KCNQ4: variants seen among roughly 807,000 people sequenced by gnomAD.
KCNQ4 encodes the protein potassium voltage-gated channel subfamily KQT member 4.
A neutral mutation model predicts 72.6 loss-of-function variants in KCNQ4; 31 were observed. The ratio of observed to expected loss-of-function variants is 0.43; its 90% CI spans 0.32 to 0.58. The LOEUF (loss-of-function observed/expected upper bound fraction) is 0.58, where lower values mean the gene tolerates loss of function less well. KCNQ4 is among the 20% of genes least tolerant of loss of function. The pLI is 0.08. For missense variants in KCNQ4, 869 were observed against 962.6 expected, an observed-to-expected ratio of 0.90 and a Z score of 1.29; for synonymous variants, 405 against 403.7, an observed-to-expected ratio of 1.00 and a Z score of -0.04.
At chr1:40,835,685 G>T (rs2148333103) in intron 12 of KCNQ4, among the ~76,000 whole-genome samples, 2 of 152,356 alleles carry the variant, frequency 1.3e-5, no homozygotes, top group Middle Eastern at 6.8e-3. Context: ...CACACTTATG[G>T]AGCTTTCATT....
At position 40,831,095 on chromosome 1, in the gene KCNQ4, G is replaced by A. The variant is rs1284818966; in HGVS notation, c.1304G>A (p.Gly435Asp). ...GCCTGCCCTGCCAGCAGCCGGATGG[G>A]CATCAAAGACCGCATCCGCATGGGC... Reference protein sequence around the residue: ...SFCPGESSRMGIKDRIRMGSS... With the variant: ...SFCPGESSRMDIKDRIRMGSS... Residue 435 changes from glycine to aspartate, a missense_variant, in exon 10 of 14, where the codon GGC (glycine) becomes GAC (aspartate). By Grantham distance (94) the Gly-to-Asp change is moderately conservative (BLOSUM62 -1). Coordinates refer to ENST00000347132, the MANE Select transcript of KCNQ4 (RefSeq NM_004700.4). 5.6e-6 allele frequency: 9 copies of A among 1,593,968 alleles called. No homozygotes were observed. In the South Asian group the frequency reaches 9.1e-5, roughly 16 times the overall value.
At chr1:40,787,109 C>T (rs893700388) in intron 1 of KCNQ4, among the ~76,000 whole-genome samples, 5 of 152,220 alleles carry the variant, frequency 3.3e-5, no homozygotes, top group South Asian at 4.1e-4. Context: ...GGGCTCTGGG[C>T]GGGGCGCAGT....
chr1:40,831,347 G>A, intron 10 of KCNQ4, 43 bp downstream of exon 10: 2 of 1,516,120 alleles, frequency 1.3e-6, no homozygotes, highest in Admixed American at 2.0e-5. Context: ...GCCGGCTGAG[G>A]GTGGCAGGGC....
chr1:40,796,935 TAAATA>T (rs1396323744), intron 1 of KCNQ4, among the ~76,000 whole-genome samples: 1 of 151,502 alleles, frequency 6.6e-6, no homozygotes, highest in Non-Finnish European at 1.5e-5. Context: ...AATAAATAAA[TAAATA>T]AATAAATAAA....
intron 1 of KCNQ4, among the ~76,000 whole-genome samples, chr1:40,801,981 C>T (rs1250051314): frequency 6.6e-6 from 1 of 152,128 alleles, no homozygotes. Context: ...CTCCAGTATT[C>T]TCCCTTGGTG....
chr1:40,833,144 C>T (rs756579933), intron 11 of KCNQ4, 31 bp downstream of exon 11: 23 of 1,516,832 alleles, frequency 1.5e-5, no homozygotes, highest in Non-Finnish European at 2.0e-5. Context: ...GAGCACCCCC[C>T]TCCGTGTGCC....
intron 9 of KCNQ4, among the ~76,000 whole-genome samples, chr1:40,824,750 C>T (rs926872379): frequency 2.0e-5 from 3 of 152,162 alleles, no homozygotes; most frequent in African/African-American, 4.8e-5. Context: ...CTCTTGGGAA[C>T]GAGATGCCAG....
intron 1 of KCNQ4, among the ~76,000 whole-genome samples, chr1:40,789,536 T>C (rs1647241034): frequency 6.6e-6 from 1 of 152,136 alleles, no homozygotes; most frequent in Admixed American, 6.5e-5. Flanking sequence ...TATACTGCCT[T>C]CCTCCTCCTC....
rs78777859 is a variant in KCNQ4, at chr1:40,821,062, C to T, written c.1041+802C>T. ...TCTCTCCTCCCCAGGGTAGAACCCT[C>T]CTCCCTGTCGCTGTTATCTCCAGCC... On this transcript the variant is annotated intron_variant, in intron 7 of 13. Coordinates refer to ENST00000347132, the MANE Select transcript of KCNQ4 (RefSeq NM_004700.4). Among the ~76,000 whole-genome samples the T allele has an allele frequency of 1.6e-3, 243 of 152,328 alleles. 10 individuals are homozygous for T. In the East Asian group the frequency reaches 0.04, roughly 25 times the overall value.
chr1:40,807,849 C>G (rs1200294201), intron 1 of KCNQ4, among the ~76,000 whole-genome samples: 1 of 152,196 alleles, frequency 6.6e-6, no homozygotes, highest in East Asian at 1.9e-4. Flanking sequence ...GGGCCCTGGT[C>G]TAGGGGGCAA....
intron 12 of KCNQ4, among the ~76,000 whole-genome samples, chr1:40,835,582 T>C (rs1314151699): frequency 6.6e-6 from 1 of 152,206 alleles, no homozygotes; most frequent in Non-Finnish European, 1.5e-5. Context: ...ATTTTCACTG[T>C]CCACTCATTC....
chr1:40,829,207 G>T (rs1233058313), intron 9 of KCNQ4, among the ~76,000 whole-genome samples: 1 of 152,240 alleles, frequency 6.6e-6, no homozygotes, highest in Non-Finnish European at 1.5e-5. Flanking sequence ...CCTCTTGGAG[G>T]AGTGGAGGAC....
chr1:40,819,449 G>A lies in KCNQ4; in HGVS notation c.811G>A (p.Ala271Thr). The A allele has an allele frequency of 6.2e-7, 1 of 1,613,758 alleles. No individual in the cohort carries two copies. The highest frequency in any genetic ancestry group is 8.5e-7 in the Non-Finnish European group (1 of 1,179,884). ...KDANSDFSSY[A>T]DSLWWGTITL... ...CGCCAACTCCGACTTCTCCTCCTAC[G>A]CCGACTCGCTCTGGTGGGGGACGGT... Residue 271 changes from alanine to threonine, a missense_variant, in exon 5 of 14, where the codon GCC (alanine) becomes ACC (threonine). Physicochemically the swap from Ala to Thr is moderately conservative, Grantham distance 58. Coordinates refer to ENST00000347132, the MANE Select transcript of KCNQ4 (RefSeq NM_004700.4).
At position 40,784,108 on chromosome 1, in the gene KCNQ4, C is replaced by T. The variant is rs891485411; in HGVS notation, c.15C>T (p.Pro5=). 3.6e-4 allele frequency: 211 copies of T among 590,042 alleles called. 6 individuals carry two copies. Among genetic ancestry groups the T allele is most frequent in the Non-Finnish European group, 4.3e-4 (203 of 467,358 alleles). The allele number at this position is 590,042 out of a possible 1,614,324, so 36.6% of individuals were successfully genotyped here. MAEA[P]PRRLGLGPPP... ...CGGCGCCGCCCATGGCCGAGGCCCC[C>T]CCGCGCCGCCTCGGCCTGGGTCCCC... Residue 5 remains proline (P), a synonymous_variant, in exon 1 of 14, where the codon CCC becomes CCT. Coordinates refer to ENST00000347132, the MANE Select transcript of KCNQ4 (RefSeq NM_004700.4). The surrounding 1 kb of genome is among the most constrained non-coding windows in gnomAD (Gnocchi z 4.1).
At chr1:40,790,886 G>A (rs1313428953) in intron 1 of KCNQ4, among the ~76,000 whole-genome samples, 1 of 152,166 alleles carries the variant, frequency 6.6e-6, no homozygotes, top group Non-Finnish European at 1.5e-5. Flanking sequence ...GAGAGGTCTG[G>A]TCTGTGTGTA....
chr1:40,818,116 C>T (rs1648154093), intron 2 of KCNQ4, 48 bp from the exon 3 acceptor site: 2 of 1,613,272 alleles, frequency 1.2e-6, no homozygotes, highest in South Asian at 2.2e-5. Context: ...TGACCTGGGC[C>T]CCAGTTCTGG....
chr1:40,824,365 G>A, intron 9 of KCNQ4, 107 bp downstream of exon 9: 1 of 1,242,632 alleles, frequency 8.0e-7, no homozygotes, highest in Non-Finnish European at 1.1e-6. Flanking sequence ...GTGGGTGTCT[G>A]GGCCTGTTTG....
In KCNQ4 at chr1:40,784,510, G is replaced by T. The variant is rs1406490045; in HGVS notation, c.314+103G>T. 2 of 1,117,972 alleles carry T rather than the reference G, an allele frequency of 1.8e-6. No individual in the cohort carries two copies. Among genetic ancestry groups the T allele is most frequent in the Non-Finnish European group, 2.7e-6 (2 of 751,950 alleles). 69.3% of individuals were successfully genotyped at this position (1,117,972 alleles called of 1,614,324 possible). ...CTCCGCCTTCTACCCCCCTGCCTCA[G>T]GGCCGACCCTCATCTCTCTCCCCCC... is the stretch of plus-strand genomic sequence containing the variant. On this transcript the variant is annotated intron_variant, in intron 1 of 13. Coordinates refer to ENST00000347132, the MANE Select transcript of KCNQ4 (RefSeq NM_004700.4). The surrounding 1 kb of genome is among the most constrained non-coding windows in gnomAD (Gnocchi z 4.1).
At chr1:40,810,130 A>G (rs1271646867) in intron 1 of KCNQ4, among the ~76,000 whole-genome samples, 2 of 151,512 alleles carry the variant, frequency 1.3e-5, no homozygotes, top group East Asian at 1.9e-4. Flanking sequence ...TGAGAATGCT[A>G]CTCAAGGCCC....
Sources: allele counts gnomAD v4.1 joint callset (sites outside exome capture counted in the v4.1 genomes callset), GRCh38; gene constraint gnomAD v4.1.1; non-coding constraint Gnocchi (gnomAD v3.1); transcripts MANE v1.5; gene names NCBI Gene and HGNC (gene_info 2026-07-23, HGNC 2026-07-21).